ADGRG1: variants seen among roughly 807,000 people sequenced by gnomAD.
The protein encoded by ADGRG1 is 7-transmembrane protein with no EGF-like N-terminal domains-1.
A neutral mutation model predicts 73.5 loss-of-function variants in ADGRG1; 53 were observed. The observed-to-expected ratio is 0.72, with a 90% CI of 0.58 to 0.91. ADGRG1 has a LOEUF of 0.91. Ranked by LOEUF, ADGRG1 falls within the 40% of genes least tolerant of loss-of-function variation. The probability of loss-of-function intolerance (pLI) is 0.00; values close to 1 mark genes in which losing one functional copy is unlikely to be tolerated. For synonymous variants in ADGRG1, 394 were observed against 374.4 expected, an observed-to-expected ratio of 1.05 and a Z score of -0.60; for missense variants, 795 against 871.8, an observed-to-expected ratio of 0.91 and a Z score of 1.11.
chr16:57,632,204 C>T (rs2038145637), intron 1 of ADGRG1: 1 of 985,330 alleles, frequency 1.0e-6, no homozygotes, highest in African/African-American at 1.7e-5. Flanking sequence ...GAGGAGGCTC[C>T]TCAGCCAGCC....
chr16:57,651,690 A>G (rs1225105107), intron 3 of ADGRG1, 68 bp downstream of exon 3: 30 of 1,541,836 alleles, frequency 1.9e-5, no homozygotes, highest in Non-Finnish European at 2.5e-5. Context: ...CAAAATGCAA[A>G]GTGGACTGGG....
intron 1 of ADGRG1, chr16:57,646,442 G>GC: frequency 1.0e-6 from 1 of 985,518 alleles, no homozygotes; most frequent in Non-Finnish European, 1.2e-6. Flanking sequence ...CCATGATGTG[G>GC]CCCCCATTGT....
chr16:57,644,363 C>T (rs758742419), intron 1 of ADGRG1: 4 of 209,038 alleles, frequency 1.9e-5, no homozygotes. Context: ...CACTCATGCA[C>T]GGGCACACAG....
intron 1 of ADGRG1, among the ~76,000 whole-genome samples, chr16:57,645,662 C>T (rs1280854848): frequency 1.3e-5 from 2 of 152,178 alleles, no homozygotes; most frequent in African/African-American, 2.4e-5. Flanking sequence ...GCAGTATGTC[C>T]ATCAACGGGA....
At position 57,663,814 on chromosome 16, in the gene ADGRG1, G is replaced by A. The variant is rs980050447; in HGVS notation, c.*232G>A. The A allele has an allele frequency of 4.2e-5, 25 of 594,824 alleles. No homozygotes were observed. Among genetic ancestry groups the A allele is most frequent in the African/African-American group, 2.0e-4 (11 of 53,794 alleles). The allele number at this position is 594,824 out of a possible 1,614,324, so 36.8% of individuals were successfully genotyped here. A position where few individuals can be genotyped will look rare whatever the true frequency, so the allele number is the denominator to read the frequency against. ...CAGCTCCCACGGGACTCAGAAGTGC[G>A]CCGCCATGCTGCCTAGGGTACTGTC... is the stretch of plus-strand genomic sequence containing the variant. On this transcript the variant is annotated 3_prime_UTR_variant, in exon 14 of 14. Coordinates refer to ENST00000562631, the MANE Select transcript of ADGRG1 (RefSeq NM_201525.4).
At chr16:57,636,970 T>A (rs2039518987) in intron 1 of ADGRG1, among the ~76,000 whole-genome samples, 1 of 152,120 alleles carries the variant, frequency 6.6e-6, no homozygotes, top group African/African-American at 2.4e-5. Context: ...AAGGGACATT[T>A]GAGTTGAGGC....
At position 57,653,019 on chromosome 16, in the gene ADGRG1, C is replaced by T. The variant is rs548800130; in HGVS notation, c.488-184C>T. Reference sequence around the variant, plus strand: ...GGCGGGTTCTGTAAGACACAACCCCCACGGGTTGGCCTCATCTGAGTGGCC... The same window carrying T: ...GGCGGGTTCTGTAAGACACAACCCCTACGGGTTGGCCTCATCTGAGTGGCC... On this transcript the variant is annotated intron_variant, in intron 3 of 13. Transcript: ENST00000562631. 973 of 1,461,370 alleles carry T rather than the reference C, an allele frequency of 6.7e-4. 11 individuals are homozygous for T. The South Asian group carries it at 9.8e-3, about 15-fold the overall frequency. 90.5% of individuals were successfully genotyped at this position (1,461,370 alleles called of 1,614,324 possible).
chr16:57,659,310 G>A, intron 10 of ADGRG1, 103 bp from the exon 11 acceptor site: 1 of 1,595,512 alleles, frequency 6.3e-7, no homozygotes, highest in East Asian at 2.2e-5. Context: ...GCATGTGTGT[G>A]TCGGGGTGGG....
chr16:57,661,196 T>A (rs1032969997), intron 12 of ADGRG1: 2 of 730,732 alleles, frequency 2.7e-6, no homozygotes, highest in Non-Finnish European at 3.3e-6. Flanking sequence ...TGTCTCCCCA[T>A]GCAGATGGGA....
chr16:57,637,375 G>A (rs1457098379), intron 1 of ADGRG1: 1 of 984,924 alleles, frequency 1.0e-6, no homozygotes, highest in African/African-American at 1.7e-5. Flanking sequence ...TATGGGTGGG[G>A]CTGGGGAAGC....
intron 12 of ADGRG1, 25 bp downstream of exon 12, chr16:57,660,901 C>A: frequency 1.5e-6 from 2 of 1,356,232 alleles, no homozygotes; most frequent in Non-Finnish European, 2.1e-6. Context: ...GCAATGGGGG[C>A]AAGAAGGTGG....
rs183972473 is a variant in ADGRG1 at position 57,650,951 on chromosome 16, G to A, written c.65-249G>A. ...TCTCGATCTCCTGACCTCGTGATCCGCCCGCCTCAGCCTCCCAAAGTGCTG... is the reference window on the plus strand; with the variant it reads ...TCTCGATCTCCTGACCTCGTGATCCACCCGCCTCAGCCTCCCAAAGTGCTG... On this transcript the variant is annotated intron_variant, in intron 2 of 13. Transcript: ENST00000562631. 1.9e-3 allele frequency: 777 copies of A among 399,554 alleles called. 11 individuals carry two copies. The highest frequency in any genetic ancestry group is 0.016 in the African/African-American group (733 of 45,984). 24.8% of individuals were successfully genotyped at this position (399,554 alleles called of 1,614,324 possible). A position where few individuals can be genotyped will look rare whatever the true frequency, so the allele number is the denominator to read the frequency against.
At position 57,651,321 on chromosome 16, in the gene ADGRG1, A is replaced by G. The variant is rs1187599920; in HGVS notation, c.186A>G (p.Glu62=). The G allele has an allele frequency of 6.2e-7, 1 of 1,613,932 alleles. No individual in the cohort carries two copies. The highest frequency in any genetic ancestry group is 1.3e-5 in the African/African-American group (1 of 74,864). The change falls in exon 3 of 14, where the codon GAA becomes GAG. Residue 62 remains glutamate (E), a synonymous_variant. Transcript: ENST00000562631. The part of the protein sequence containing the change: ...PDLRISIENS[E]EALTVHAPFP... ...TGCGCATCTCCATCGAGAACTCCGA[A>G]GAGGCCCTCACAGTCCATGCCCCTT...
At chr16:57,623,947 C>T (rs2035359591), upstream of ADGRG1, 1 of 450,980 alleles carries the variant, frequency 2.2e-6, no homozygotes, top group East Asian at 1.6e-4. Flanking sequence ...CTCTCTGAGC[C>T]TCAGTTTTCA....
At chr16:57,626,652 C>CAG, upstream of ADGRG1, 2 of 985,224 alleles carry the variant, frequency 2.0e-6, no homozygotes, top group Non-Finnish European at 1.2e-6. Flanking sequence ...CAGCCATCTG[C>CAG]AGAGAGAGTG....
intron 3 of ADGRG1, chr16:57,652,971 A>T: frequency 7.1e-7 from 1 of 1,403,324 alleles, no homozygotes; most frequent in Non-Finnish European, 9.3e-7. Context: ...ATCCCACCCC[A>T]TCCCGCTGGG....
intron 1 of ADGRG1, chr16:57,644,986 G>GCA (rs1219499583): frequency 2.5e-4 from 195 of 783,966 alleles, no homozygotes; most frequent in Admixed American, 3.2e-4. Context: ...ACACCCCCAT[G>GCA]CACACACACA....
chr16:57,651,887 C>A (rs760179619), intron 3 of ADGRG1: 1,054 of 1,413,108 alleles, frequency 7.5e-4, no homozygotes, highest in Non-Finnish European at 9.3e-4. Flanking sequence ...AGGGCAAGGG[C>A]CCGTCCTGAG....
In ADGRG1 at chr16:57,656,438, C is replaced by A. The variant is rs1426643875; in HGVS notation, c.1064-76C>A. 3.1e-6 allele frequency: 5 copies of A among 1,598,558 alleles called. No homozygotes were observed. In the African/African-American group the frequency reaches 4.0e-5, roughly 13 times the overall value. On this transcript the variant is annotated intron_variant, in intron 8 of 13. Transcript: ENST00000562631. The stretch of plus-strand genomic sequence containing the variant: ...AGGCCGGGTGGAAGAATGACACAGT[C>A]GTGCTTTTGGGGGTGGACACAGTGG...
Sources: allele counts gnomAD v4.1 joint callset (sites outside exome capture counted in the v4.1 genomes callset), GRCh38; gene constraint gnomAD v4.1.1; transcripts MANE v1.5; gene names NCBI Gene and HGNC (gene_info 2026-07-23, HGNC 2026-07-21).